Variants in DPYD observed in about 807,000 individuals in gnomAD.
DPYD encodes the protein dihydropyrimidine dehydrogenase, also known as dihydropyrimidine dehydrogenase [NADP(+)].
A neutral mutation model predicts 116.2 loss-of-function variants in DPYD; 109 were observed. The observed-to-expected ratio is 0.94, with a 90% CI of 0.80 to 1.10. DPYD has a LOEUF of 1.10. Ranked by LOEUF, DPYD falls within the 50% of genes least tolerant of loss-of-function variation. DPYD has a pLI of 0.00. For synonymous variants in DPYD, 440 were observed against 432.0 expected, an observed-to-expected ratio of 1.02 and a Z score of -0.23; for missense variants, 1,302 against 1,254.5, an observed-to-expected ratio of 1.04 and a Z score of -0.57.
At chr1:97,679,882 T>C (rs1055834873) in intron 7 of DPYD, among the ~76,000 whole-genome samples, 1 of 152,128 alleles carries the variant, frequency 6.6e-6, no homozygotes, top group Non-Finnish European at 1.5e-5. Context: ...AAGTAAGTAC[T>C]GTGATTCCCC....
chr1:97,257,460 GAGAA>G (rs1414901679), intron 18 of DPYD, among the ~76,000 whole-genome samples: 153 of 136,852 alleles, frequency 1.1e-3, no homozygotes, highest in Middle Eastern at 3.6e-3. Flanking sequence ...TATAGAGAGA[GAGAA>G]AGAGAGAGAG....
At chr1:97,210,642 G>T (rs935423092) in intron 19 of DPYD, among the ~76,000 whole-genome samples, 2 of 152,124 alleles carry the variant, frequency 1.3e-5, no homozygotes, top group African/African-American at 4.8e-5. Context: ...TCATTTATCT[G>T]CATTGGCTTG....
intron 5 of DPYD, among the ~76,000 whole-genome samples, chr1:97,705,605 T>TG (rs199795762): frequency 0.013 from 2,015 of 152,164 alleles, 20 homozygotes; most frequent in Middle Eastern, 0.024. Context: ...CGTGTGCATG[T>TG]GTCTTTATAG....
At chr1:97,635,072 G>A (rs1477603527) in intron 8 of DPYD, among the ~76,000 whole-genome samples, 1 of 151,980 alleles carries the variant, frequency 6.6e-6, no homozygotes, top group African/African-American at 2.4e-5. Flanking sequence ...AGGTGCCATT[G>A]AGAGTGATGC....
At chr1:97,115,331 T>C (rs550995146) in intron 20 of DPYD, among the ~76,000 whole-genome samples, 1 of 152,316 alleles carries the variant, frequency 6.6e-6, no homozygotes, top group South Asian at 2.1e-4. Flanking sequence ...CCCCCATGAG[T>C]TCTTCAGTTT....
At chr1:97,165,998 A>G (rs1457028759) in intron 20 of DPYD, among the ~76,000 whole-genome samples, 1 of 152,196 alleles carries the variant, frequency 6.6e-6, no homozygotes, top group Non-Finnish European at 1.5e-5. Context: ...TAGTTTAACC[A>G]TTGTGGAAAG....
rs183528507 is a variant in DPYD, at chr1:97,733,272, C to T, written c.321+7120G>A. Reference sequence around the variant, plus strand: ...AGCTTTACTTTATTTAATTTTACTACTGAATTTTAATATATTGTTTTTATT... The same window carrying T: ...AGCTTTACTTTATTTAATTTTACTATTGAATTTTAATATATTGTTTTTATT... On this transcript the variant is annotated intron_variant, in intron 4 of 22. Coordinates refer to ENST00000370192, the MANE Select transcript of DPYD (RefSeq NM_000110.4). Among the ~76,000 whole-genome samples the T allele has an allele frequency of 3.3e-5, 5 of 152,046 alleles. 1 individual carries two copies. The highest frequency in any genetic ancestry group is 2.6e-4 in the Admixed American group (4 of 15,272).
In DPYD at chr1:97,721,689, A is replaced by G; in HGVS notation, c.322-18T>C. On this transcript the variant is annotated intron_variant, in intron 4 of 22. Coordinates refer to ENST00000370192, the MANE Select transcript of DPYD (RefSeq NM_000110.4). ...TAATAGTTCTGCAAAATTAATACAAAATAAAATTTTACTACTTAAAAATAT... is the reference window on the plus strand; with the variant it reads ...TAATAGTTCTGCAAAATTAATACAAGATAAAATTTTACTACTTAAAAATAT... 1 of 1,608,348 alleles carries G rather than the reference A, an allele frequency of 6.2e-7. No homozygotes were observed. Among genetic ancestry groups the G allele is most frequent in the South Asian group, 1.1e-5 (1 of 90,758 alleles).
intron 21 of DPYD, among the ~76,000 whole-genome samples, chr1:97,088,305 T>A (rs1649662995): frequency 6.6e-6 from 1 of 152,234 alleles, no homozygotes; most frequent in African/African-American, 2.4e-5. Flanking sequence ...TAAGTTAACG[T>A]GGAATGGTTA....
intron 8 of DPYD, among the ~76,000 whole-genome samples, chr1:97,672,704 C>A (rs900863129): frequency 1.3e-5 from 2 of 152,052 alleles, no homozygotes; most frequent in Non-Finnish European, 2.9e-5. Flanking sequence ...GTATACACAA[C>A]TATGTACAAT....
intron 14 of DPYD, among the ~76,000 whole-genome samples, chr1:97,399,429 G>T (rs1673226510): frequency 6.6e-6 from 1 of 152,022 alleles, no homozygotes; most frequent in African/African-American, 2.4e-5. Flanking sequence ...TGGCAATGTG[G>T]GCTCTTTTTT....
chr1:97,671,101 C>T (rs1224418262), intron 8 of DPYD, among the ~76,000 whole-genome samples: 1 of 151,890 alleles, frequency 6.6e-6, no homozygotes, highest in Non-Finnish European at 1.5e-5. Context: ...AGAATATAAG[C>T]TGTATAATGT....
intron 13 of DPYD, among the ~76,000 whole-genome samples, chr1:97,456,754 A>C (rs1676713738): frequency 6.6e-6 from 1 of 152,146 alleles, no homozygotes; most frequent in South Asian, 2.1e-4. Context: ...TTCACCTTAG[A>C]AACTTTAGAA....
At chr1:97,392,706 A>G (rs1672777338) in intron 14 of DPYD, among the ~76,000 whole-genome samples, 1 of 152,076 alleles carries the variant, frequency 6.6e-6, no homozygotes, top group South Asian at 2.1e-4. Context: ...CATCTCAAGC[A>G]ACCACTTTCT....
intron 3 of DPYD, among the ~76,000 whole-genome samples, chr1:97,805,826 C>A (rs915620063): frequency 6.6e-6 from 1 of 151,880 alleles, no homozygotes; most frequent in African/African-American, 2.4e-5. Flanking sequence ...AGAACAAACA[C>A]ATCTGTTTCC....
At chr1:97,348,364 T>G (rs1669965713) in intron 16 of DPYD, among the ~76,000 whole-genome samples, 1 of 152,342 alleles carries the variant, frequency 6.6e-6, no homozygotes, top group East Asian at 1.9e-4. Flanking sequence ...GGAACACTTA[T>G]TTAAAATTCT....
chr1:97,610,602 C>T (rs191837791), intron 8 of DPYD, among the ~76,000 whole-genome samples: 10 of 152,102 alleles, frequency 6.6e-5, no homozygotes, highest in South Asian at 2.1e-4. Flanking sequence ...AAACTGTGTA[C>T]GCGATGGGTT....
At chr1:97,613,556 G>A (rs935307241) in intron 8 of DPYD, among the ~76,000 whole-genome samples, 8 of 151,994 alleles carry the variant, frequency 5.3e-5, no homozygotes, top group South Asian at 4.2e-4. Flanking sequence ...GAGACTTTCC[G>A]AAACACCTGT....
chr1:97,136,459 A>T (rs1442324802), intron 20 of DPYD, among the ~76,000 whole-genome samples: 1 of 152,192 alleles, frequency 6.6e-6, no homozygotes, highest in Non-Finnish European at 1.5e-5. Context: ...CTGCCTCGCG[A>T]ATCCAGTCAT....
Sources: allele counts gnomAD v4.1 joint callset (sites outside exome capture counted in the v4.1 genomes callset), GRCh38; gene constraint gnomAD v4.1.1; transcripts MANE v1.5; gene names NCBI Gene and HGNC (gene_info 2026-07-23, HGNC 2026-07-21).